CHIC1: variants seen among roughly 807,000 people sequenced by gnomAD.
CHIC1 encodes cysteine-rich hydrophobic domain-containing protein 1.
Under a neutral mutation model 18.5 loss-of-function variants are expected in CHIC1, and 7 were observed. The ratio of observed to expected loss-of-function variants is 0.38; its 90% CI spans 0.22 to 0.71. The LOEUF is 0.71. Ranked by LOEUF, CHIC1 falls within the 30% of genes least tolerant of loss-of-function variation. CHIC1 has a pLI of 0.49. For missense variants in CHIC1, 159 were observed against 176.9 expected, an observed-to-expected ratio of 0.90 and a Z score of 0.57; for synonymous variants, 77 against 73.5, an observed-to-expected ratio of 1.05 and a Z score of -0.25.
chrX:73,623,820 CTTT>C (rs1424904998), intron 3 of CHIC1, among the ~76,000 whole-genome samples: 1 of 111,825 alleles, frequency 8.9e-6, no homozygotes. Flanking sequence ...TTACACTTTA[CTTT>C]TTTGACAAAA....
intron 3 of CHIC1, among the ~76,000 whole-genome samples, chrX:73,665,266 C>G (rs2057998889): frequency 9.0e-6 from 1 of 110,755 alleles, no homozygotes; most frequent in African/African-American, 3.3e-5. Flanking sequence ...GTTCCTCTTC[C>G]CTCCCCCTTT....
chrX:73,651,878 G>GA (rs1011938605), intron 3 of CHIC1, among the ~76,000 whole-genome samples: 1 of 111,928 alleles, frequency 8.9e-6, no homozygotes, highest in African/African-American at 3.3e-5. Flanking sequence ...CACAGAATTA[G>GA]AAAAAACTAC....
chrX:73,602,597 A>G (rs1262094118), intron 3 of CHIC1, among the ~76,000 whole-genome samples: 1 of 108,772 alleles, frequency 9.2e-6, no homozygotes, highest in Admixed American at 9.7e-5. Flanking sequence ...GCCCATGCCT[A>G]TCTCCTGAAT....
rs768662233 is a variant in CHIC1, at chrX:73,676,922, CT to C, written c.508-2401del. Among the ~76,000 whole-genome samples the C allele has an allele frequency of 7.2e-5, 8 of 111,563 alleles. No individual in the cohort carries two copies. The East Asian group carries it at 2.3e-3, about 32-fold the overall frequency. ...CAGATGGGTTTTTGGTGTGGATGTCCTTTCTGTTTGTTAGTTTTCCTTCTAA... is the reference window on the plus strand; with the variant it reads ...CAGATGGGTTTTTGGTGTGGATGTCCTTCTGTTTGTTAGTTTTCCTTCTAA... On this transcript the variant is annotated intron_variant, in intron 3 of 5. Coordinates refer to ENST00000373502, the MANE Select transcript of CHIC1 (RefSeq NM_001039840.4).
At chrX:73,675,386 A>C (rs908962409) in intron 3 of CHIC1, among the ~76,000 whole-genome samples, 12 of 111,658 alleles carry the variant, frequency 1.1e-4, no homozygotes, top group Non-Finnish European at 1.9e-4. Context: ...GTAGGTCACT[A>C]AGGACTTGAT....
chrX:73,565,058 T>A (rs1282699374), intron 1 of CHIC1, among the ~76,000 whole-genome samples: 3 of 111,040 alleles, frequency 2.7e-5, no homozygotes, highest in African/African-American at 9.9e-5. Context: ...TGCTTTTTGA[T>A]TAGGAAATTT....
chrX:73,667,907 G>C (rs1386497477), intron 3 of CHIC1, among the ~76,000 whole-genome samples: 1 of 111,696 alleles, frequency 9.0e-6, no homozygotes, highest in East Asian at 2.8e-4. Context: ...ATGTTAGCCT[G>C]TCTAGCTAGT....
At chrX:73,653,271 C>G (rs2057926657) in intron 3 of CHIC1, among the ~76,000 whole-genome samples, 1 of 110,823 alleles carries the variant, frequency 9.0e-6, no homozygotes, top group South Asian at 3.8e-4. Flanking sequence ...TCAATAGATG[C>G]CGCAAACCAC....
chrX:73,673,927 A>G (rs2058046903), intron 3 of CHIC1, among the ~76,000 whole-genome samples: 1 of 111,986 alleles, frequency 8.9e-6, no homozygotes, highest in Admixed American at 9.4e-5. Context: ...TGTCCCATCA[A>G]TACCTAATTT....
intron 3 of CHIC1, among the ~76,000 whole-genome samples, chrX:73,647,260 A>T (rs764797458): frequency 1.9e-4 from 21 of 112,218 alleles, no homozygotes; most frequent in Non-Finnish European, 3.6e-4. Flanking sequence ...TCTCAACAGC[A>T]TCTCAGCTAG....
intron 3 of CHIC1, among the ~76,000 whole-genome samples, chrX:73,612,804 A>G (rs1045394568): frequency 8.9e-6 from 1 of 112,306 alleles, no homozygotes; most frequent in Non-Finnish European, 1.9e-5. Context: ...GAAATTTTCC[A>G]TAAATGTTTT....
intron 3 of CHIC1, among the ~76,000 whole-genome samples, chrX:73,660,659 A>G (rs956573509): frequency 1.8e-5 from 2 of 110,857 alleles, no homozygotes; most frequent in Admixed American, 9.6e-5. Context: ...AGGGAGCTGC[A>G]TCGTCTGGGT....
intron 1 of CHIC1, among the ~76,000 whole-genome samples, chrX:73,564,903 TCTC>T (rs1453440965): frequency 1.9e-5 from 2 of 105,503 alleles, no homozygotes; most frequent in African/African-American, 7.0e-5. Flanking sequence ...TTCAAGCAAT[TCTC>T]CTGCCTCAGC....
chrX:73,661,974 C>G (rs2057982442), intron 3 of CHIC1, among the ~76,000 whole-genome samples: 2 of 109,834 alleles, frequency 1.8e-5, no homozygotes, highest in African/African-American at 6.6e-5. Context: ...ACCAGCATGG[C>G]ACATGTATAC....
At chrX:73,601,728 A>G (rs1400005526) in intron 3 of CHIC1, among the ~76,000 whole-genome samples, 1 of 105,094 alleles carries the variant, frequency 9.5e-6, no homozygotes, top group Non-Finnish European at 1.9e-5. Flanking sequence ...AACTGAAGGA[A>G]ATAGAGACAC....
At chrX:73,624,811 C>T (rs368469982) in intron 3 of CHIC1, among the ~76,000 whole-genome samples, 2 of 112,064 alleles carry the variant, frequency 1.8e-5, no homozygotes, top group East Asian at 5.6e-4. Context: ...CTAAGGTATT[C>T]CTCTTTATGA....
At chrX:73,661,530 T>C (rs1214988230) in intron 3 of CHIC1, among the ~76,000 whole-genome samples, 2 of 111,778 alleles carry the variant, frequency 1.8e-5, no homozygotes, top group Non-Finnish European at 3.8e-5. Context: ...TGTCATAACT[T>C]GTAAGTCTGC....
At chrX:73,564,791 GT>G (rs370930878) in intron 1 of CHIC1, among the ~76,000 whole-genome samples, 765 of 58,327 alleles carry the variant, frequency 0.013, no homozygotes, top group African/African-American at 0.021. Context: ...AACATGTTGA[GT>G]TTTTTTTTTT....
At position 73,682,101 on chromosome X, in the gene CHIC1, C is replaced by T. The variant is rs960178402; in HGVS notation, c.*1096C>T. On this transcript the variant is annotated 3_prime_UTR_variant, in exon 6 of 6. Transcript: ENST00000373502. ...ATTCTAGTTTGAGAAAGAGAGAGAA[C>T]TATTTGAGAAGCTGTAGCTAAAGAG... is the stretch of plus-strand genomic sequence containing the variant. 1 of 111,241 alleles carries T rather than the reference C, an allele frequency of 9.0e-6. No homozygotes were observed. The highest frequency in any genetic ancestry group is 1.9e-5 in the Non-Finnish European group (1 of 52,734). The allele number at this position is 111,241 out of a possible 1,213,427, so 9.2% of individuals were successfully genotyped here.
Sources: gnomAD v4.1 joint callset for allele counts (sites outside exome capture counted in the v4.1 genomes callset) on GRCh38, gnomAD v4.1.1 for gene constraint, MANE v1.5 for transcripts, NCBI Gene and HGNC (gene_info 2026-07-23, HGNC 2026-07-21) for gene names.